The following SNX17 variants were observed in gnomAD, a reference collection of about 807,000 sequenced individuals.
SNX17 encodes sorting nexin-17.
Under a neutral mutation model 64.3 loss-of-function variants are expected in SNX17, and 35 were observed. The observed-to-expected ratio is 0.54, with a 90% CI of 0.42 to 0.72. The LOEUF (loss-of-function observed/expected upper bound fraction) is 0.72, where lower values mean the gene tolerates loss of function less well. SNX17 is among the 30% of genes least tolerant of loss of function. SNX17 has a pLI of 0.00. For synonymous variants in SNX17, 259 were observed against 230.2 expected (o/e 1.13, Z -1.13); for missense variants, 538 against 610.0 (o/e 0.88, Z 1.24).
rs573581841 is a variant in SNX17, at chr2:27,376,812, T to C, written c.*93T>C. 94 of 1,038,898 alleles carry C rather than the reference T, an allele frequency of 9.0e-5. No homozygotes were observed. The African/African-American group carries it at 1.4e-3, about 16-fold the overall frequency. The allele number at this position is 1,038,898 out of a possible 1,614,324, so 64.4% of individuals were successfully genotyped here. A position where few individuals can be genotyped will look rare whatever the true frequency, so the allele number is the denominator to read the frequency against. On this transcript the variant is annotated 3_prime_UTR_variant, in exon 15 of 15. Transcript: ENST00000233575. ...CCCCCATGCTAGGGGCGGAGGGGTC[T>C]TTTCCTTCTTCTTTCCTACCTACCC...
Position 27,375,002 on chromosome 2 carries a change from C to A in SNX17, c.682-59C>A. On this transcript the variant is annotated intron_variant, in intron 8 of 14. Coordinates refer to ENST00000233575, the MANE Select transcript of SNX17 (RefSeq NM_014748.4). This position sits in a 1 kb window ranked among gnomAD's most constrained non-coding sequence, Gnocchi z 4.1. ...CAGGCTGGACAGAGGTAATGGTAGA[C>A]GCTTTCCTTGGATTGCTGACTGGGA... 6.7e-7 allele frequency: 1 copy of A among 1,489,118 alleles called. No individual in the cohort carries two copies. Among genetic ancestry groups the A allele is most frequent in the Non-Finnish European group, 9.4e-7 (1 of 1,066,556 alleles). The allele number at this position is 1,489,118 out of a possible 1,614,324, so 92.2% of individuals were successfully genotyped here.
rs113964476 is a variant in SNX17, at chr2:27,370,716, A to T, written c.-28A>T. 1 of 1,540,716 alleles carries T rather than the reference A, an allele frequency of 6.5e-7. No homozygotes were observed. The highest frequency in any genetic ancestry group is 2.5e-5 in the East Asian group (1 of 40,590). On this transcript the variant is annotated 5_prime_UTR_variant, in exon 1 of 15. Transcript: ENST00000233575. ...AGCCGCTGCGGCCCTCACAGTCCGG[A>T]GCCCGGCCGTGCCGTGCCGTAGGGA...
rs761140610 is a variant in SNX17, at chr2:27,374,639, C to CCTTAACCCAG, written c.612-45_612-36dup. 32 of 1,572,796 alleles carry CCTTAACCCAG rather than the reference C, an allele frequency of 2.0e-5. No individual in the cohort carries two copies. In the South Asian group the frequency reaches 3.2e-4, roughly 16 times the overall value. ...TGCCCATTTTCCATTCTACCTCTTGCCTTAACCCAGCTTAGCCCCATTACC... is the reference window on the plus strand; with the variant it reads ...TGCCCATTTTCCATTCTACCTCTTGCCTTAACCCAGCTTAACCCAGCTTAGCCCCATTACC... On this transcript the variant is annotated intron_variant, in intron 7 of 14. Transcript: ENST00000233575.
At chr2:27,371,221 T>A (rs1366759382) in intron 1 of SNX17, 48 bp from the exon 2 acceptor site, 3 of 1,563,786 alleles carry the variant, frequency 1.9e-6, no homozygotes, top group Non-Finnish European at 2.6e-6. Context: ...CTCAGGGGGG[T>A]TGCGCAGACC....
At position 27,377,076 on chromosome 2, in the gene SNX17, GTGTT is replaced by G. The variant is rs1683324746; in HGVS notation, c.*360_*363del. 4.9e-6 allele frequency: 2 copies of G among 408,866 alleles called. No individual in the cohort carries two copies. The highest frequency in any genetic ancestry group is 9.1e-6 in the Non-Finnish European group (2 of 218,594). The allele number at this position is 408,866 out of a possible 1,614,324, so 25.3% of individuals were successfully genotyped here. A position where few individuals can be genotyped will look rare whatever the true frequency, so the allele number is the denominator to read the frequency against. ...AGGCCAAGGGGATGGGCAGAGGTCT[GTGTT>G]TGGTCTGGCCCAGTTCCCCATCATT... On this transcript the variant is annotated 3_prime_UTR_variant, in exon 15 of 15. Transcript: ENST00000233575. The surrounding 1 kb of genome is among the most constrained non-coding windows in gnomAD (Gnocchi z 4.4).
chr2:27,376,163 T>A lies in SNX17; in HGVS notation c.1162T>A (p.Ser388Thr), dbSNP rs1271194973. The A allele has an allele frequency of 6.2e-7, 1 of 1,613,872 alleles. No individual in the cohort carries two copies. Among genetic ancestry groups the A allele is most frequent in the Non-Finnish European group, 8.5e-7 (1 of 1,179,998 alleles). Reference sequence around the variant, plus strand: ...GGTTGATGAACTGATGGTGAAGAAATCTGGCGGCAGTATCAGGAAGGTAGG... The same window carrying A: ...GGTTGATGAACTGATGGTGAAGAAAACTGGCGGCAGTATCAGGAAGGTAGG... Reference protein sequence around the residue: ...SMVDELMVKKSGGSIRKMLRR... With the variant: ...SMVDELMVKKTGGSIRKMLRR... The change falls in exon 12 of 15, where the codon TCT becomes ACT. Residue 388 changes from serine (S) to threonine (T), a missense_variant. Around this residue, in one of 3 missense-constraint regions of SNX17, gnomAD observed 505 missense variants for 550.4 expected, o/e 0.92. Transcript: ENST00000233575.
rs1417169169 is a variant in SNX17, at chr2:27,375,958, T to C, written c.1091T>C (p.Ile364Thr). The C allele has an allele frequency of 6.2e-7, 1 of 1,613,988 alleles. No individual in the cohort carries two copies. The change falls in exon 11 of 15, where the codon ATC becomes ACC. Residue 364 changes from isoleucine to threonine, a missense_variant. Around this residue, in one of 3 missense-constraint regions of SNX17, gnomAD observed 505 missense variants for 550.4 expected, o/e 0.92. Coordinates refer to ENST00000233575, the MANE Select transcript of SNX17 (RefSeq NM_014748.4). This position sits in a 1 kb window ranked among gnomAD's most constrained non-coding sequence, Gnocchi z 4.1. ...MSKDRLQWVT[I>T]TSPQAIMMSI... ...AAGGACCGGCTACAGTGGGTCACCA[T>C]CACTAGCCCCCAGGTGTGAACCTAC...
Position 27,373,000 on chromosome 2 carries a change from T to C in SNX17, c.257-247T>C, listed in dbSNP as rs1682792472. 4.7e-6 allele frequency: 7 copies of C among 1,501,652 alleles called. No individual in the cohort carries two copies. In the East Asian group the frequency reaches 1.7e-4, roughly 37 times the overall value. 93.0% of individuals were successfully genotyped at this position (1,501,652 alleles called of 1,614,324 possible). On this transcript the variant is annotated intron_variant, in intron 3 of 14. Coordinates refer to ENST00000233575, the MANE Select transcript of SNX17 (RefSeq NM_014748.4). The stretch of plus-strand genomic sequence containing the variant: ...ATCAGTGGAGAGAACTTAATTTGTA[T>C]CTGATGTGCTTTAGATTAACATCAT...
rs947385409 is a variant in SNX17 at position 27,373,431 on chromosome 2, C to T, written c.321+120C>T. Reference sequence around the variant, plus strand: ...AGGCTGGAGTGCAGTGGTGCGATCTCAGCTCACTGCAATCTCCGCCTCCCG... The same window carrying T: ...AGGCTGGAGTGCAGTGGTGCGATCTTAGCTCACTGCAATCTCCGCCTCCCG... On this transcript the variant is annotated intron_variant, in intron 4 of 14. Coordinates refer to ENST00000233575, the MANE Select transcript of SNX17 (RefSeq NM_014748.4). 9 of 960,876 alleles carry T rather than the reference C, an allele frequency of 9.4e-6. No homozygotes were observed. In the East Asian group the frequency reaches 2.2e-4, roughly 23 times the overall value. 59.5% of individuals were successfully genotyped at this position (960,876 alleles called of 1,614,324 possible).
intron 4 of SNX17, chr2:27,373,529 A>C: frequency 7.3e-6 from 4 of 548,280 alleles, no homozygotes; most frequent in Non-Finnish European, 1.3e-5. Flanking sequence ...TGTCCGGCTC[A>C]TTTTTGTATT....
rs1401508654 is a variant in SNX17 at position 27,375,824 on chromosome 2, C to T, written c.979-22C>T. ...ACAGGTTGGTCAGAGTGAACTCAAC[C>T]GAATTCCCCTTCCTCTCCCAGGTAC... On this transcript the variant is annotated intron_variant, in intron 10 of 14. Transcript: ENST00000233575. This position sits in a 1 kb window ranked among gnomAD's most constrained non-coding sequence, Gnocchi z 4.1. 1.9e-6 allele frequency: 3 copies of T among 1,612,716 alleles called. No homozygotes were observed. Among genetic ancestry groups the T allele is most frequent in the Admixed American group, 1.7e-5 (1 of 59,984 alleles).
In SNX17 at chr2:27,376,113, T is replaced by C. The variant is rs1276127079; in HGVS notation, c.1112T>C (p.Met371Thr). ...CACTCTTCTTGCCCTCAGGCTATCA[T>C]GATGAGCATCTGCTTGCAGTCCATG... Reference protein sequence around the residue: ...WVTITSPQAIMMSICLQSMVD... With the variant: ...WVTITSPQAITMSICLQSMVD... Residue 371 changes from methionine (M) to threonine (T), a missense_variant, in exon 12 of 15, where the codon ATG becomes ACG. This residue lies in a region of SNX17 where 505 missense variants were observed against 550.4 expected (regional missense o/e 0.92). Transcript: ENST00000233575. 3 of 1,614,166 alleles carry C rather than the reference T, an allele frequency of 1.9e-6. No homozygotes were observed. Among genetic ancestry groups the C allele is most frequent in the East Asian group, 4.5e-5 (2 of 44,876 alleles).
At chr2:27,373,836 C>G (rs1178893879) in intron 4 of SNX17, 25 bp from the exon 5 acceptor site, 33 of 1,580,250 alleles carry the variant, frequency 2.1e-5, no homozygotes, top group Non-Finnish European at 2.6e-5. Flanking sequence ...GCAGTGCTTC[C>G]CATCCCCATG....
chr2:27,375,209 G>A lies in SNX17; in HGVS notation c.774+56G>A, dbSNP rs1683049285. The stretch of plus-strand genomic sequence containing the variant: ...AAGGGCTTGCAGTGGCGCGATCTTG[G>A]CTCACTGCAAGCTCTGCCTCTCAGA... On this transcript the variant is annotated intron_variant, in intron 9 of 14. Coordinates refer to ENST00000233575, the MANE Select transcript of SNX17 (RefSeq NM_014748.4). This position sits in a 1 kb window ranked among gnomAD's most constrained non-coding sequence, Gnocchi z 4.1. The A allele has an allele frequency of 2.7e-6, 4 of 1,489,590 alleles. No homozygotes were observed. The East Asian group carries it at 6.8e-5, about 25-fold the overall frequency. 92.3% of individuals were successfully genotyped at this position (1,489,590 alleles called of 1,614,324 possible).
chr2:27,371,306 G>A lies in SNX17; in HGVS notation c.101G>A (p.Arg34Gln), dbSNP rs142373618. 165 of 1,613,184 alleles carry A rather than the reference G, an allele frequency of 1.0e-4. No homozygotes were observed. The highest frequency in any genetic ancestry group is 1.4e-4 in the Non-Finnish European group (163 of 1,179,936). Reference sequence around the variant, plus strand: ...CACGTGAATGGAGTCCTGCACTGTCGGGTGCGCTACAGCCAGCTCCTGGGG... The same window carrying A: ...CACGTGAATGGAGTCCTGCACTGTCAGGTGCGCTACAGCCAGCTCCTGGGG... ...NIHVNGVLHCRVRYSQLLGLH... is the reference protein window; with the variant it reads ...NIHVNGVLHCQVRYSQLLGLH... Residue 34 changes from arginine to glutamine, a missense_variant, in exon 2 of 15, where the codon CGG (arginine) becomes CAG (glutamine). By Grantham distance (43) the Arg-to-Gln change is conservative. This residue lies in a region of SNX17 where 6 missense variants were observed against 21.4 expected (regional missense o/e 0.28). Transcript: ENST00000233575.
Position 27,375,426 on chromosome 2 carries a change from C to A in SNX17, c.775-80C>A. 1 of 1,491,714 alleles carries A rather than the reference C, an allele frequency of 6.7e-7. No individual in the cohort carries two copies. Among genetic ancestry groups the A allele is most frequent in the Non-Finnish European group, 9.3e-7 (1 of 1,077,624 alleles). The allele number at this position is 1,491,714 out of a possible 1,614,324, so 92.4% of individuals were successfully genotyped here. Reference sequence around the variant, plus strand: ...GTGCTGGGATTATAGGCATGAGCCACCGCGCCCGACCGGGGTTGCTTTTTC... The same window carrying A: ...GTGCTGGGATTATAGGCATGAGCCAACGCGCCCGACCGGGGTTGCTTTTTC... On this transcript the variant is annotated intron_variant, in intron 9 of 14. Transcript: ENST00000233575. This position sits in a 1 kb window ranked among gnomAD's most constrained non-coding sequence, Gnocchi z 4.1.
rs1301865687 is a variant in SNX17 at position 27,374,683 on chromosome 2, TCA to T, written c.612-3_612-2del. 6.2e-7 allele frequency: 1 copy of T among 1,614,078 alleles called. No homozygotes were observed. Among genetic ancestry groups the T allele is most frequent in the Non-Finnish European group, 8.5e-7 (1 of 1,179,958 alleles). On this transcript the variant is annotated splice_region_variant and splice_polypyrimidine_tract_variant and intron_variant, in intron 7 of 14. Transcript: ENST00000233575. ...CATTACCCCTTTCCACCCCTTGGCC[TCA>T]CAGTTATTGGGACTCTGCCTATGAT...
chr2:27,376,562 C>G (rs768661387), intron 14 of SNX17, 42 bp downstream of exon 14: 2 of 1,614,014 alleles, frequency 1.2e-6, no homozygotes, highest in Admixed American at 1.7e-5. Flanking sequence ...GTTGGGGGAT[C>G]TTGCACGCCC....
chr2:27,377,519 T>C lies in SNX17; in HGVS notation c.*800T>C. On this transcript the variant is annotated 3_prime_UTR_variant, in exon 15 of 15. Transcript: ENST00000233575. This position sits in a 1 kb window ranked among gnomAD's most constrained non-coding sequence, Gnocchi z 4.4. ...AAAGGTGGCTTCTGGTCCGTCTGTATAAAACATGGGGAAGAAGGACCTAGT... is the reference window on the plus strand; with the variant it reads ...AAAGGTGGCTTCTGGTCCGTCTGTACAAAACATGGGGAAGAAGGACCTAGT... 1.2e-6 allele frequency: 2 copies of C among 1,612,384 alleles called. No individual in the cohort carries two copies. The highest frequency in any genetic ancestry group is 1.7e-6 in the Non-Finnish European group (2 of 1,178,760).
Sources: allele counts gnomAD v4.1 joint callset, GRCh38; gene constraint gnomAD v4.1.1; regional missense constraint gnomAD v4.1.1; non-coding constraint Gnocchi (gnomAD v3.1); transcripts MANE v1.5; gene names NCBI Gene and HGNC (gene_info 2026-07-23, HGNC 2026-07-21).